Variants in CPNE4 observed in about 807,000 individuals in gnomAD.
CPNE4 encodes the protein copine 4, also known as copine-4.
In CPNE4, 25 loss-of-function variants were observed where a neutral mutation model predicts 67.9. That is an observed-to-expected ratio of 0.37 (90% CI 0.27 to 0.51). CPNE4 has a LOEUF of 0.51. Among genes scored for constraint, CPNE4 ranks in the 20% least tolerant of loss-of-function variants. The pLI is 0.93. For synonymous variants in CPNE4, 242 were observed against 244.9 expected (o/e 0.99, Z 0.11); for missense variants, 464 against 690.8 (o/e 0.67, Z 3.68).
chr3:131,827,602 C>T (rs557348979), intron 2 of CPNE4, among the ~76,000 whole-genome samples: 1 of 152,130 alleles, frequency 6.6e-6, no homozygotes, highest in African/African-American at 2.4e-5. Context: ...CTAGAGAATT[C>T]CTTTATTTTT....
At chr3:131,937,903 GA>G (rs1233043917) in intron 1 of CPNE4, among the ~76,000 whole-genome samples, 2 of 151,770 alleles carry the variant, frequency 1.3e-5, no homozygotes, top group Non-Finnish European at 2.9e-5. Context: ...GCAGAAGAGG[GA>G]AAAAAGTCAG....
intron 2 of CPNE4, among the ~76,000 whole-genome samples, chr3:131,797,664 T>A (rs1352047622): frequency 6.6e-6 from 1 of 152,190 alleles, no homozygotes; most frequent in Admixed American, 6.5e-5. Context: ...TTAAGTATTA[T>A]CCTCCATCTA....
At chr3:131,768,678 T>G (rs2083085815) in intron 2 of CPNE4, among the ~76,000 whole-genome samples, 1 of 152,102 alleles carries the variant, frequency 6.6e-6, no homozygotes, top group Non-Finnish European at 1.5e-5. Context: ...AAAATTGAAT[T>G]TATTTCCTTC....
At chr3:131,757,814 C>G (rs1424910373) in intron 2 of CPNE4, among the ~76,000 whole-genome samples, 4 of 152,196 alleles carry the variant, frequency 2.6e-5, no homozygotes, top group Non-Finnish European at 5.9e-5. Flanking sequence ...AATTGGTGCC[C>G]TGTGTCCCAA....
chr3:131,830,921 A>C (rs1011111119), intron 2 of CPNE4, among the ~76,000 whole-genome samples: 1 of 152,140 alleles, frequency 6.6e-6, no homozygotes, highest in Admixed American at 6.6e-5. Context: ...ACAAAGATAC[A>C]AGGAAAGTCT....
chr3:131,862,717 T>A (rs1246193264), intron 2 of CPNE4, among the ~76,000 whole-genome samples: 7 of 134,866 alleles, frequency 5.2e-5, no homozygotes, highest in Middle Eastern at 3.6e-3. Context: ...ATATATATAT[T>A]TTTATTATAC....
chr3:131,774,424 G>T (rs1017994895), intron 2 of CPNE4, among the ~76,000 whole-genome samples: 2 of 151,994 alleles, frequency 1.3e-5, no homozygotes, highest in Non-Finnish European at 2.9e-5. Flanking sequence ...TTACTATAAG[G>T]TTAGACCAGC....
At position 131,865,726 on chromosome 3, in the gene CPNE4, G is replaced by A. The variant is rs185489475; in HGVS notation, c.180+39538C>T. 1.8e-4 allele frequency among the ~76,000 whole-genome samples: 27 copies of A among 152,290 alleles called. 1 individual carries two copies. Among genetic ancestry groups the A allele is most frequent in the Admixed American group, 1.8e-3 (27 of 15,276 alleles). ...GCCATACACATCTGTAGACTGAAAA[G>A]CAATTTAGCACGTGTACAAGTTGGG... On this transcript the variant is annotated intron_variant, in intron 2 of 15. Coordinates refer to ENST00000429747, the MANE Select transcript of CPNE4 (RefSeq NM_130808.3).
At chr3:131,914,835 G>T (rs1439678318) in intron 1 of CPNE4, among the ~76,000 whole-genome samples, 1 of 152,086 alleles carries the variant, frequency 6.6e-6, no homozygotes, top group African/African-American at 2.4e-5. Flanking sequence ...AATTAGCTGG[G>T]TGTGGTGGTG....
At chr3:131,698,233 CAAAAA>C (rs369274504) in intron 4 of CPNE4, among the ~76,000 whole-genome samples, 4 of 64,462 alleles carry the variant, frequency 6.2e-5, no homozygotes, top group African/African-American at 1.6e-4. Context: ...GGCTCTGTCT[CAAAAA>C]AAAAAAAAAA....
intron 2 of CPNE4, among the ~76,000 whole-genome samples, chr3:131,804,568 G>A (rs896906381): frequency 6.6e-6 from 1 of 152,098 alleles, no homozygotes; most frequent in Admixed American, 6.5e-5. Flanking sequence ...CTTTTCCTGT[G>A]TTCTACATCC....
intron 3 of CPNE4, among the ~76,000 whole-genome samples, chr3:131,706,479 G>A (rs544759876): frequency 6.6e-5 from 10 of 152,298 alleles, no homozygotes; most frequent in East Asian, 1.9e-4. Flanking sequence ...ATACAGAATC[G>A]TAAACCGAAA....
intron 3 of CPNE4, among the ~76,000 whole-genome samples, chr3:131,701,556 C>T (rs1192348389): frequency 6.6e-6 from 1 of 152,174 alleles, no homozygotes; most frequent in Non-Finnish European, 1.5e-5. Flanking sequence ...CTCTCAGAGC[C>T]TTTGCTCTGG....
intron 1 of CPNE4, among the ~76,000 whole-genome samples, chr3:131,905,680 GATTTGCATAC>G (rs768820809): frequency 3.3e-5 from 5 of 152,136 alleles, no homozygotes; most frequent in Non-Finnish European, 5.9e-5. Context: ...TTTCTTGTAT[GATTTGCATAC>G]ATTTGCATAG....
chr3:131,654,681 A>T (rs768160802), intron 7 of CPNE4, among the ~76,000 whole-genome samples: 2 of 152,178 alleles, frequency 1.3e-5, no homozygotes, highest in Non-Finnish European at 2.9e-5. Context: ...ACTGGCCCCA[A>T]CTCAGGAAGG....
chr3:131,744,918 C>A (rs745448462), intron 2 of CPNE4, among the ~76,000 whole-genome samples: 1 of 152,112 alleles, frequency 6.6e-6, no homozygotes, highest in Non-Finnish European at 1.5e-5. Flanking sequence ...TTCTTGTGAT[C>A]ACAAATCTTA....
intron 7 of CPNE4, among the ~76,000 whole-genome samples, chr3:131,668,322 G>A (rs1448480600): frequency 6.6e-6 from 1 of 152,182 alleles, no homozygotes; most frequent in African/African-American, 2.4e-5. Context: ...CAAAAGTAGT[G>A]AGGAAAATGT....
At chr3:131,871,730 G>C (rs899777067) in intron 2 of CPNE4, among the ~76,000 whole-genome samples, 1 of 152,050 alleles carries the variant, frequency 6.6e-6, no homozygotes, top group Non-Finnish European at 1.5e-5. Context: ...CTTAACATTC[G>C]AGAAAACCAA....
intron 1 of CPNE4, among the ~76,000 whole-genome samples, chr3:131,981,122 G>C (rs985559813): frequency 6.6e-6 from 1 of 152,046 alleles, no homozygotes; most frequent in Non-Finnish European, 1.5e-5. Flanking sequence ...ACTCTGTGAG[G>C]GTTCTTAGCT....
Sources: gnomAD v4.1 joint callset for allele counts (sites outside exome capture counted in the v4.1 genomes callset) on GRCh38, gnomAD v4.1.1 for gene constraint, MANE v1.5 for transcripts, NCBI Gene and HGNC (gene_info 2026-07-23, HGNC 2026-07-21) for gene names.